ALDH1L2: variants seen among roughly 807,000 people sequenced by gnomAD.
ALDH1L2 encodes the protein mitochondrial 10-formyltetrahydrofolate dehydrogenase.
Under a neutral mutation model 111.0 loss-of-function variants are expected in ALDH1L2, and 91 were observed. The observed-to-expected ratio is 0.82, with a 90% confidence interval of 0.69 to 0.98. The LOEUF is 0.98. ALDH1L2 is among the 50% of genes least tolerant of loss of function. ALDH1L2 has a pLI of 0.00. For missense variants in ALDH1L2, 995 were observed against 1,126.8 expected, an observed-to-expected ratio of 0.88 and a Z score of 1.67; for synonymous variants, 374 against 392.6, an observed-to-expected ratio of 0.95 and a Z score of 0.56.
chr12:105,074,382 C>T (rs571497542), intron 1 of ALDH1L2, among the ~76,000 whole-genome samples: 16 of 140,040 alleles, frequency 1.1e-4, no homozygotes, highest in Non-Finnish European at 2.1e-4. Context: ...CTCTTGAACC[C>T]GGGAGGCAGA....
intron 1 of ALDH1L2, 129 bp from the exon 2 acceptor site, chr12:105,074,134 CTT>C (rs1877893484): frequency 3.4e-6 from 4 of 1,178,904 alleles, no homozygotes; most frequent in Non-Finnish European, 4.8e-6. Context: ...AAAGCCCAGA[CTT>C]CACCACTACT....
rs1209433307 is a variant in ALDH1L2, at chr12:105,021,821, T to A, written c.*2603A>T. 2 of 152,048 alleles carry A rather than the reference T, an allele frequency of 1.3e-5. No homozygotes were observed. Among genetic ancestry groups the A allele is most frequent in the Non-Finnish European group, 2.9e-5 (2 of 68,030 alleles). 9.4% of individuals were successfully genotyped at this position (152,048 alleles called of 1,614,324 possible). A position where few individuals can be genotyped will look rare whatever the true frequency, so the allele number is the denominator to read the frequency against. On this transcript the variant is annotated 3_prime_UTR_variant, in exon 23 of 23. Transcript: ENST00000258494. The stretch of plus-strand genomic sequence containing the variant: ...CATATCTAATTAAGAAGGCAAGTAA[T>A]TTTAGTACAAGTGGTAAGTGCTATG...
chr12:105,031,795 T>A lies in ALDH1L2; in HGVS notation c.2384A>T (p.Tyr795Phe). The change falls in exon 20 of 23, where the codon TAC becomes TTC. Residue 795 changes from tyrosine to phenylalanine, a missense_variant. Physicochemically the swap from Tyr to Phe is conservative, Grantham distance 22. Transcript: ENST00000258494. ...TGGCCTTTGGACTTGTCTTCCCCCGTACACCAAAGTGGCCCCTTCTTTCAC... is the reference window on the plus strand; with the variant it reads ...TGGCCTTTGGACTTGTCTTCCCCCGAACACCAAAGTGGCCCCTTCTTTCAC... ...TGVKEGATLV[Y>F]GGRQVQRPGF... 1 of 1,614,186 alleles carries A rather than the reference T, an allele frequency of 6.2e-7. No homozygotes were observed. The highest frequency in any genetic ancestry group is 8.5e-7 in the Non-Finnish European group (1 of 1,180,020).
At chr12:105,057,964 TG>T in intron 10 of ALDH1L2, 108 bp downstream of exon 10, 1 of 1,294,556 alleles carries the variant, frequency 7.7e-7, no homozygotes, top group Non-Finnish European at 1.0e-6. Context: ...GTAAAGCTGT[TG>T]TTTTTTAAAG....
intron 1 of ALDH1L2, among the ~76,000 whole-genome samples, chr12:105,075,055 T>C (rs1429639746): frequency 6.6e-6 from 1 of 152,262 alleles, no homozygotes; most frequent in Non-Finnish European, 1.5e-5. Context: ...CTTCAAATCC[T>C]ATAACTAATG....
chr12:105,043,613 T>A, intron 15 of ALDH1L2, among the ~76,000 whole-genome samples: 1 of 152,344 alleles, frequency 6.6e-6, no homozygotes. Flanking sequence ...GTTTAAAAAC[T>A]AACTATCCTG....
intron 6 of ALDH1L2, among the ~76,000 whole-genome samples, chr12:105,064,182 C>CATGT (rs1287501426): frequency 8.3e-6 from 1 of 120,192 alleles, no homozygotes; most frequent in Non-Finnish European, 1.6e-5. Context: ...AGGGTTTTGC[C>CATGT]ATGTTGGCCA....
At chr12:105,043,488 T>C (rs563741834) in intron 15 of ALDH1L2, among the ~76,000 whole-genome samples, 1 of 152,166 alleles carries the variant, frequency 6.6e-6, no homozygotes, top group African/African-American at 2.4e-5. Flanking sequence ...CCCAAAATAT[T>C]TGAAGTTATC....
In ALDH1L2 at chr12:105,073,978, C is replaced by A. The variant is rs777207916; in HGVS notation, c.76G>T (p.Ala26Ser). 1.9e-5 allele frequency: 31 copies of A among 1,613,984 alleles called. No homozygotes were observed. The South Asian group carries it at 3.3e-4, about 17-fold the overall frequency. ...CCAAAGAGGCTCTGGCCAATTAGTG[C>A]CAACTTCAGCTTGTTTTTGAAATAA... Reference protein sequence around the residue: ...RVYFKNKLKLALIGQSLFGQE... With the variant: ...RVYFKNKLKLSLIGQSLFGQE... The change falls in exon 2 of 23, where the codon GCA (alanine) becomes TCA (serine). Residue 26 changes from alanine to serine, a missense_variant. By Grantham distance (99) the Ala-to-Ser change is moderately conservative (BLOSUM62 1). Coordinates refer to ENST00000258494, the MANE Select transcript of ALDH1L2 (RefSeq NM_001034173.4).
chr12:105,064,126 T>G (rs1264735401), intron 6 of ALDH1L2, among the ~76,000 whole-genome samples: 1 of 70,788 alleles, frequency 1.4e-5, no homozygotes, highest in Non-Finnish European at 2.8e-5. Flanking sequence ...TTTTTTTTTT[T>G]TTTTTTTTTT....
intron 1 of ALDH1L2, among the ~76,000 whole-genome samples, chr12:105,074,417 C>T (rs1479647983): frequency 1.5e-5 from 2 of 136,932 alleles, no homozygotes; most frequent in Non-Finnish European, 3.0e-5. Flanking sequence ...GAGATCACAC[C>T]ACAGCACTCC....
rs762553966 is a variant in ALDH1L2, at chr12:105,052,807, C to T, written c.1407+5G>A. ...GATCACTACTCACACTAAAGAATTA[C>T]TCACAGATCCATCTGTTGGGTTGAT... On this transcript the variant is annotated splice_donor_5th_base_variant and intron_variant, in intron 11 of 22. Transcript: ENST00000258494. 2 of 1,613,946 alleles carry T rather than the reference C, an allele frequency of 1.2e-6. No individual in the cohort carries two copies. Among genetic ancestry groups the T allele is most frequent in the Admixed American group, 3.3e-5 (2 of 59,996 alleles).
chr12:105,037,912 C>A (rs1875256181), intron 18 of ALDH1L2, among the ~76,000 whole-genome samples, 191 bp downstream of exon 18: 1 of 151,974 alleles, frequency 6.6e-6, no homozygotes, highest in Non-Finnish European at 1.5e-5. Flanking sequence ...CTACAGGTGC[C>A]CACCACCACG....
chr12:105,047,327 C>T (rs138178914), intron 13 of ALDH1L2: 317 of 269,566 alleles, frequency 1.2e-3, no homozygotes, highest in African/African-American at 6.8e-3. Flanking sequence ...TTCCCATTCT[C>T]CAGATTAGGG....
In ALDH1L2 at chr12:105,031,931, C is replaced by T. The variant is rs769005108; in HGVS notation, c.2248G>A (p.Glu750Lys). The T allele has an allele frequency of 1.2e-6, 2 of 1,613,954 alleles. No individual in the cohort carries two copies. Among genetic ancestry groups the T allele is most frequent in the Admixed American group, 1.7e-5 (1 of 59,990 alleles). ...CCAATTTTCATCTTTTTAATTTCTT[C>T]TACCTGTATGTTACCCAGTCCATAA... ...IHDEFVTRVV[E>K]EIKKMKIGDP... Residue 750 changes from glutamate (E) to lysine (K), a missense_variant, in exon 20 of 23, where the codon GAA becomes AAA. Transcript: ENST00000258494.
intron 7 of ALDH1L2, among the ~76,000 whole-genome samples, chr12:105,062,318 G>C (rs1487052536): frequency 7.1e-6 from 1 of 140,654 alleles, no homozygotes; most frequent in Non-Finnish European, 1.6e-5. Flanking sequence ...AAAGAGCTGG[G>C]AGTAGAACCT....
intron 22 of ALDH1L2, among the ~76,000 whole-genome samples, chr12:105,025,553 G>C (rs763546959): frequency 5.3e-5 from 8 of 152,260 alleles, no homozygotes; most frequent in East Asian, 1.9e-4. Context: ...GAAAAGTTGG[G>C]GGGGAAGCCC....
At chr12:105,058,475 A>T (rs893605318) in intron 9 of ALDH1L2, among the ~76,000 whole-genome samples, 1 of 152,240 alleles carries the variant, frequency 6.6e-6, no homozygotes, top group Non-Finnish European at 1.5e-5. Flanking sequence ...CAAGGCAAAA[A>T]TATTTTAATT....
At chr12:105,052,785 C>T in intron 11 of ALDH1L2, 27 bp downstream of exon 11, 3 of 1,612,698 alleles carry the variant, frequency 1.9e-6, no homozygotes, top group Non-Finnish European at 1.7e-6. Context: ...GACCAGTGAT[C>T]ACTACTCACA....
Sources: gnomAD v4.1 joint callset for allele counts (sites outside exome capture counted in the v4.1 genomes callset) on GRCh38, gnomAD v4.1.1 for gene constraint, MANE v1.5 for transcripts, NCBI Gene and HGNC (gene_info 2026-07-23, HGNC 2026-07-21) for gene names.